The following KLF15 variants were observed in gnomAD, a reference collection of about 807,000 sequenced individuals.
KLF15 encodes the protein KLF transcription factor 15.
In KLF15, 4 loss-of-function variants were observed where a neutral mutation model predicts 24.6. The ratio of observed to expected loss-of-function variants is 0.16; its 90% CI spans 0.08 to 0.37. The LOEUF is 0.37. Among genes scored for constraint, KLF15 ranks in the 10% least tolerant of loss-of-function variants. KLF15 has a pLI of 1.00. For synonymous variants in KLF15, 246 were observed against 236.3 expected (o/e 1.04, Z -0.37); for missense variants, 496 against 560.6 (o/e 0.88, Z 1.16).
Position 126,356,746 on chromosome 3 carries a change from C to G in KLF15, c.-26+491G>C, listed in dbSNP as rs1239920399. Among the ~76,000 whole-genome samples the G allele has an allele frequency of 6.6e-6, 1 of 152,050 alleles. No individual in the cohort carries two copies. Among genetic ancestry groups the G allele is most frequent in the African/African-American group, 2.4e-5 (1 of 41,402 alleles). On this transcript the variant is annotated intron_variant, in intron 1 of 2. Coordinates refer to ENST00000296233, the MANE Select transcript of KLF15 (RefSeq NM_014079.4). The surrounding 1 kb of genome is among the most constrained non-coding windows in gnomAD (Gnocchi z 4.4). Reference sequence around the variant, plus strand: ...GAAATGAAGAGAGCCGGCTCAGACCCCTTCTAGAGTCCTGGACCGCTGCCC... The same window carrying G: ...GAAATGAAGAGAGCCGGCTCAGACCGCTTCTAGAGTCCTGGACCGCTGCCC...
At chr3:126,308,499 G>C in the KLF15 span, among the ~76,000 whole-genome samples, 1 of 152,188 alleles carries the variant, frequency 6.6e-6, no homozygotes, top group Admixed American at 6.5e-5. Context: ...GGTGTCTGCC[G>C]CAGGCAGTGC....
rs1196580592 is a variant in KLF15 at position 126,352,951 on chromosome 3, C to T, written c.-25-4G>A. ...GGCCTGGCCGTGCCGGTGGCGGCTGCAGGAAAGGAACACAGGAGGCCTGGT... is the reference window on the plus strand; with the variant it reads ...GGCCTGGCCGTGCCGGTGGCGGCTGTAGGAAAGGAACACAGGAGGCCTGGT... On this transcript the variant is annotated splice_region_variant and splice_polypyrimidine_tract_variant and intron_variant, in intron 1 of 2. Coordinates refer to ENST00000296233, the MANE Select transcript of KLF15 (RefSeq NM_014079.4). 2 of 1,571,364 alleles carry T rather than the reference C, an allele frequency of 1.3e-6. No homozygotes were observed. Among genetic ancestry groups the T allele is most frequent in the South Asian group, 2.4e-5 (2 of 82,838 alleles).
At chr3:126,298,576 A>G in the KLF15 span, among the ~76,000 whole-genome samples, 6 of 151,958 alleles carry the variant, frequency 3.9e-5, no homozygotes, top group African/African-American at 2.4e-5. Context: ...TTCTGATGTC[A>G]TCTTCTAGAA....
Position 126,352,104 on chromosome 3 carries a change from G to A in KLF15, c.819C>T (p.Asn273=). 2 of 1,553,188 alleles carry A rather than the reference G, an allele frequency of 1.3e-6. No individual in the cohort carries two copies. The highest frequency in any genetic ancestry group is 1.7e-6 in the Non-Finnish European group (2 of 1,147,832). Residue 273 remains asparagine, a synonymous_variant, in exon 2 of 3, where the codon AAC becomes AAT. Coordinates refer to ENST00000296233, the MANE Select transcript of KLF15 (RefSeq NM_014079.4). ...CAATGCGCACAAACTTGGAGGGCAG[G>A]TTCAAGTTGGAGGAGGGTACCACCT... ...VPQVVPSSNL[N]LPSKFVRIAP...
At chr3:126,348,010 C>T (rs895854413) in intron 2 of KLF15, among the ~76,000 whole-genome samples, 3 of 152,250 alleles carry the variant, frequency 2.0e-5, no homozygotes, top group Non-Finnish European at 2.9e-5. Context: ...AGAGCTCCCC[C>T]ACGGGGAGTA....
the KLF15 span, among the ~76,000 whole-genome samples, chr3:126,304,728 T>C: frequency 1.3e-5 from 2 of 152,252 alleles, no homozygotes; most frequent in Non-Finnish European, 2.9e-5. Flanking sequence ...TATTGCTTCA[T>C]GCAGGAAGAA....
At chr3:126,353,085 G>C in intron 1 of KLF15, 138 bp from the exon 2 acceptor site, 1 of 1,020,980 alleles carries the variant, frequency 9.8e-7, no homozygotes. Flanking sequence ...CATCCCCCAG[G>C]AGAGCTGTGC....
At chr3:126,308,069 C>A in the KLF15 span, among the ~76,000 whole-genome samples, 2 of 152,200 alleles carry the variant, frequency 1.3e-5, no homozygotes, top group Non-Finnish European at 2.9e-5. Flanking sequence ...GCGCCGTGGC[C>A]TGGCTGGGAC....
chr3:126,347,715 C>T (rs564130599), intron 2 of KLF15, among the ~76,000 whole-genome samples: 1 of 152,326 alleles, frequency 6.6e-6, no homozygotes, highest in East Asian at 1.9e-4. Flanking sequence ...CAGGGAAAGC[C>T]TGCTCTCAGC....
chr3:126,317,407 A>G, the KLF15 span, among the ~76,000 whole-genome samples: 5 of 152,148 alleles, frequency 3.3e-5, no homozygotes. Flanking sequence ...CCCAATAGAT[A>G]GAAAAAACCT....
rs762089644 is a variant in KLF15, at chr3:126,356,627, G to T, written c.-26+610C>A. 6.6e-6 allele frequency among the ~76,000 whole-genome samples: 1 copy of T among 152,142 alleles called. No homozygotes were observed. Among genetic ancestry groups the T allele is most frequent in the Non-Finnish European group, 1.5e-5 (1 of 68,010 alleles). ...TGACTGCGTGTGCGGGGCGTGGTGCGCGGCAGCCGCTGTGGCTGTGCGGGA... is the reference window on the plus strand; with the variant it reads ...TGACTGCGTGTGCGGGGCGTGGTGCTCGGCAGCCGCTGTGGCTGTGCGGGA... On this transcript the variant is annotated intron_variant, in intron 1 of 2. Transcript: ENST00000296233. The surrounding 1 kb of genome is among the most constrained non-coding windows in gnomAD (Gnocchi z 4.4).
At chr3:126,323,736 G>T in the KLF15 span, among the ~76,000 whole-genome samples, 1 of 110,422 alleles carries the variant, frequency 9.1e-6, no homozygotes. Context: ...TCCCACTTAT[G>T]AGTGAGAACA....
the KLF15 span, among the ~76,000 whole-genome samples, chr3:126,300,304 T>C: frequency 6.6e-6 from 1 of 152,198 alleles, no homozygotes; most frequent in Non-Finnish European, 1.5e-5. Flanking sequence ...TGTGGCGTCC[T>C]GTGCCTATAA....
chr3:126,332,968 G>A, the KLF15 span, among the ~76,000 whole-genome samples: 1 of 67,144 alleles, frequency 1.5e-5, no homozygotes, highest in Non-Finnish European at 2.8e-5. Context: ...AAGTGATGGG[G>A]AGAATGGAAC....
the KLF15 span, among the ~76,000 whole-genome samples, chr3:126,294,642 T>C: frequency 6.6e-6 from 1 of 152,158 alleles, no homozygotes; most frequent in Non-Finnish European, 1.5e-5. Flanking sequence ...TGACCCTTGG[T>C]TGCATTTGGC....
At chr3:126,301,617 T>C in the KLF15 span, among the ~76,000 whole-genome samples, 446 of 148,556 alleles carry the variant, frequency 3.0e-3, 4 homozygotes, top group African/African-American at 9.8e-3. Flanking sequence ...TTTCTTTTTT[T>C]TTTTTTTTTT....
At chr3:126,320,406 T>G in the KLF15 span, among the ~76,000 whole-genome samples, 1 of 152,228 alleles carries the variant, frequency 6.6e-6, no homozygotes, top group Non-Finnish European at 1.5e-5. Flanking sequence ...CATGTACATA[T>G]ATGTGAATGC....
chr3:126,295,984 A>G, the KLF15 span, among the ~76,000 whole-genome samples: 24,627 of 152,148 alleles, frequency 0.16, 2,190 homozygotes, highest in Non-Finnish European at 0.2. Flanking sequence ...GTATATTCAT[A>G]GTTGATGCTG....
chr3:126,329,994 G>C, the KLF15 span, among the ~76,000 whole-genome samples: 2 of 152,142 alleles, frequency 1.3e-5, no homozygotes, highest in African/African-American at 2.4e-5. Flanking sequence ...ACCCTCTGCT[G>C]TATGTTCTCA....
Sources: allele counts gnomAD v4.1 joint callset (sites outside exome capture counted in the v4.1 genomes callset), GRCh38; gene constraint gnomAD v4.1.1; non-coding constraint Gnocchi (gnomAD v3.1); transcripts MANE v1.5; gene names NCBI Gene and HGNC (gene_info 2026-07-23, HGNC 2026-07-21).